The following CCDC57 variants were observed in gnomAD, a reference collection of about 807,000 sequenced individuals.
The protein encoded by CCDC57 is coiled-coil domain-containing protein 57.
CCDC57 carries 118 observed loss-of-function variants against 118.9 expected under a neutral mutation model. The observed-to-expected ratio is 0.99, with a 90% confidence interval of 0.86 to 1.16. The LOEUF is 1.16. CCDC57 is among the 50% of genes most tolerant of loss of function. CCDC57 has a pLI of 0.00. For synonymous variants in CCDC57, 527 were observed against 532.9 expected (o/e 0.99, Z 0.15); for missense variants, 1,300 against 1,320.7 (o/e 0.98, Z 0.24).
At chr17:82,124,772 G>A (rs1292495706) in intron 19 of CCDC57, among the ~76,000 whole-genome samples, 2 of 151,746 alleles carry the variant, frequency 1.3e-5, no homozygotes, top group Non-Finnish European at 2.9e-5. Flanking sequence ...CTCCAGCCTC[G>A]GTGACAGAAT....
chr17:82,148,906 G>A (rs1467431417), intron 16 of CCDC57, among the ~76,000 whole-genome samples: 1 of 95,594 alleles, frequency 1.0e-5, no homozygotes, highest in African/African-American at 3.9e-5. Context: ...ATGGATGGAT[G>A]GATGAACAGA....
intron 16 of CCDC57, among the ~76,000 whole-genome samples, chr17:82,138,898 C>T (rs1453181690): frequency 6.6e-6 from 1 of 152,238 alleles, no homozygotes; most frequent in Non-Finnish European, 1.5e-5. Context: ...ACTGCCGTTA[C>T]GTTAACTTAG....
chr17:82,193,471 C>G (rs1205202318), intron 7 of CCDC57, among the ~76,000 whole-genome samples: 1 of 151,030 alleles, frequency 6.6e-6, no homozygotes, highest in African/African-American at 2.4e-5. Flanking sequence ...TGTTTGAACC[C>G]GGGAGGGGAG....
intron 19 of CCDC57, among the ~76,000 whole-genome samples, chr17:82,105,836 AC>A (rs1348976112): frequency 6.6e-6 from 1 of 152,188 alleles, no homozygotes; most frequent in African/African-American, 2.4e-5. Context: ...GGGCAGATGC[AC>A]AAGAGGGGAG....
intron 19 of CCDC57, among the ~76,000 whole-genome samples, chr17:82,125,855 C>T (rs1315551591): frequency 6.6e-6 from 1 of 152,108 alleles, no homozygotes; most frequent in Non-Finnish European, 1.5e-5. Context: ...CTGAGAGTGG[C>T]CGAACGAACC....
intron 19 of CCDC57, among the ~76,000 whole-genome samples, chr17:82,119,344 G>A (rs928483730): frequency 6.6e-6 from 1 of 151,522 alleles, no homozygotes; most frequent in Non-Finnish European, 1.5e-5. Context: ...TTGTAGACTC[G>A]GGGCCTCCCA....
rs188281931 is a variant in CCDC57, at chr17:82,204,154, C to T, written c.-8-2202G>A. On this transcript the variant is annotated intron_variant, in intron 2 of 19. Coordinates refer to ENST00000665763, the Ensembl canonical transcript of CCDC57. ...AAGACGGTCTCCTCCATCCCACATG[C>T]TTCCTGCGATGCAACCCCCGCGCCC... is the stretch of plus-strand genomic sequence containing the variant. Among the ~76,000 whole-genome samples, 7 of 152,254 alleles carry T rather than the reference C, an allele frequency of 4.6e-5. No homozygotes were observed. In the East Asian group the frequency reaches 1.4e-3, roughly 29 times the overall value.
In CCDC57 at chr17:82,188,363, T is replaced by C. The variant is rs931249154; in HGVS notation, c.908A>G (p.Lys303Arg). 5 of 1,611,408 alleles carry C rather than the reference T, an allele frequency of 3.1e-6. No homozygotes were observed. The Admixed American group carries it at 6.7e-5, about 22-fold the overall frequency. Reference sequence around the variant, plus strand: ...CTGCAGCTGCTCCACGTGGGCTCCCTTCACCGCCACCAGCACTGCATCCTT... The same window carrying C: ...CTGCAGCTGCTCCACGTGGGCTCCCCTCACCGCCACCAGCACTGCATCCTT... Residue 303 changes from lysine (K) to arginine (R), a missense_variant, in exon 8 of 20, where the codon AAG becomes AGG. Physicochemically the swap from Lys to Arg is conservative, Grantham distance 26. Coordinates refer to ENST00000665763, the Ensembl canonical transcript of CCDC57.
chr17:82,124,388 T>G (rs2037139153), intron 19 of CCDC57, among the ~76,000 whole-genome samples: 1 of 152,208 alleles, frequency 6.6e-6, no homozygotes, highest in South Asian at 2.1e-4. Flanking sequence ...AGGTGGAGAC[T>G]TGTATTTAAA....
At chr17:82,152,064 T>C (rs1159197373) in intron 15 of CCDC57, 1 of 433,610 alleles carries the variant, frequency 2.3e-6, no homozygotes, top group African/African-American at 2.0e-5. Context: ...CATCCCTGCC[T>C]TCTGGTCATC....
chr17:82,176,101 C>A (rs961161388), intron 11 of CCDC57, among the ~76,000 whole-genome samples: 1 of 152,164 alleles, frequency 6.6e-6, no homozygotes, highest in Non-Finnish European at 1.5e-5. Flanking sequence ...GTCTAAAACC[C>A]CTCATGACCT....
intron 19 of CCDC57, among the ~76,000 whole-genome samples, chr17:82,103,693 A>G (rs1270800848): frequency 6.6e-6 from 1 of 152,160 alleles, no homozygotes; most frequent in African/African-American, 2.4e-5. Flanking sequence ...GGGGATTTTC[A>G]GAAAAAGTGA....
At chr17:82,194,852 C>G (rs903673266) in intron 5 of CCDC57, among the ~76,000 whole-genome samples, 2 of 152,274 alleles carry the variant, frequency 1.3e-5, no homozygotes, top group African/African-American at 4.8e-5. Flanking sequence ...GGCCTGTTTC[C>G]CAGCCTGTAA....
chr17:82,193,216 A>C (rs2047886095), intron 7 of CCDC57, among the ~76,000 whole-genome samples: 1 of 152,138 alleles, frequency 6.6e-6, no homozygotes, highest in Non-Finnish European at 1.5e-5. Flanking sequence ...TAAGAAGTCT[A>C]AACATCACCG....
chr17:82,162,492 C>T (rs1004221446), intron 14 of CCDC57, among the ~76,000 whole-genome samples: 4 of 152,228 alleles, frequency 2.6e-5, no homozygotes, highest in Non-Finnish European at 5.9e-5. Flanking sequence ...CAGCGCTTGC[C>T]GGGGCCCTAG....
chr17:82,133,803 T>G (rs2038780946), intron 17 of CCDC57, among the ~76,000 whole-genome samples: 1 of 152,010 alleles, frequency 6.6e-6, no homozygotes, highest in Non-Finnish European at 1.5e-5. Context: ...GAGGTTGTAG[T>G]GAGCCGAGAT....
chr17:82,132,118 CAAAAAAA>C (rs58856013), intron 17 of CCDC57, among the ~76,000 whole-genome samples: 3 of 101,916 alleles, frequency 2.9e-5, no homozygotes, highest in Non-Finnish European at 2.1e-5. Flanking sequence ...GACTCTGTCT[CAAAAAAA>C]AAAAAAAAAA....
Position 82,172,629 on chromosome 17 carries a change from C to G in CCDC57, c.1729+9G>C. The G allele has an allele frequency of 1.3e-6, 2 of 1,549,594 alleles. No homozygotes were observed. Among genetic ancestry groups the G allele is most frequent in the Non-Finnish European group, 1.7e-6 (2 of 1,146,532 alleles). ...TCTCCCGCTCTGTCCGTTTCTCCCA[C>G]TTACTCACCAGGAGTGGCGGCATCT... On this transcript the variant is annotated intron_variant, in intron 12 of 19. Coordinates refer to ENST00000665763, the Ensembl canonical transcript of CCDC57. This position sits in a 1 kb window ranked among gnomAD's most constrained non-coding sequence, Gnocchi z 5.2.
intron 19 of CCDC57, among the ~76,000 whole-genome samples, chr17:82,124,591 G>A (rs911253001): frequency 5.9e-5 from 9 of 151,948 alleles, no homozygotes; most frequent in Admixed American, 5.2e-4. Flanking sequence ...CCAGGAGTTC[G>A]AGACCAGCCT....
Sources: allele counts gnomAD v4.1 joint callset (sites outside exome capture counted in the v4.1 genomes callset), GRCh38; gene constraint gnomAD v4.1.1; non-coding constraint Gnocchi (gnomAD v3.1); transcripts MANE v1.5; gene names NCBI Gene and HGNC (gene_info 2026-07-23, HGNC 2026-07-21).